The following SORCS1 variants were observed in gnomAD, a reference collection of about 807,000 sequenced individuals.
SORCS1 encodes the protein sortilin related VPS10 domain containing receptor 1, also known as VPS10 domain-containing receptor SorCS1.
A neutral mutation model predicts 146.1 loss-of-function variants in SORCS1; 60 were observed. The ratio of observed to expected loss-of-function variants is 0.41; its 90% CI spans 0.33 to 0.51. SORCS1 has a LOEUF of 0.51. Ranked by LOEUF, SORCS1 falls within the 20% of genes least tolerant of loss-of-function variation. The probability of loss-of-function intolerance (pLI) is 0.21; values close to 1 mark genes in which losing one functional copy is unlikely to be tolerated. For missense variants in SORCS1, 1,352 were observed against 1,487.6 expected, an observed-to-expected ratio of 0.91 and a Z score of 1.50; for synonymous variants, 637 against 584.0, an observed-to-expected ratio of 1.09 and a Z score of -1.31.
chr10:107,118,305 A>C (rs1966170920), intron 1 of SORCS1, among the ~76,000 whole-genome samples: 1 of 152,212 alleles, frequency 6.6e-6, no homozygotes, highest in South Asian at 2.1e-4. Flanking sequence ...CAAAACTGTG[A>C]GAAATAAATT....
At chr10:107,068,114 C>T (rs61867227) in intron 1 of SORCS1, among the ~76,000 whole-genome samples, 29,178 of 152,020 alleles carry the variant, frequency 0.19, 2,990 homozygotes, top group Middle Eastern at 0.21. Flanking sequence ...GAGAGGCATG[C>T]GAATTGCTTT....
chr10:106,743,858 T>C (rs1857526984), intron 5 of SORCS1, among the ~76,000 whole-genome samples: 1 of 152,232 alleles, frequency 6.6e-6, no homozygotes, highest in Non-Finnish European at 1.5e-5. Flanking sequence ...AAAACATTCT[T>C]ACAATCCCTC....
intron 24 of SORCS1, among the ~76,000 whole-genome samples, chr10:106,581,335 A>ACACACACGCG (rs1237108923): frequency 1.3e-5 from 2 of 151,678 alleles, no homozygotes; most frequent in African/African-American, 4.8e-5. Flanking sequence ...ACACACACAC[A>ACACACACGCG]CACACACACA....
chr10:107,000,543 G>A (rs968145997), intron 1 of SORCS1, among the ~76,000 whole-genome samples: 1 of 151,478 alleles, frequency 6.6e-6, no homozygotes, highest in Admixed American at 6.6e-5. Flanking sequence ...GGAGGTGGAG[G>A]TTGCAGTGAG....
chr10:106,770,084 C>T (rs909024094), intron 4 of SORCS1, among the ~76,000 whole-genome samples: 6 of 152,236 alleles, frequency 3.9e-5, no homozygotes, highest in Admixed American at 2.0e-4. Flanking sequence ...GACAGTAAGA[C>T]TGTCTCAAAA....
intron 3 of SORCS1, among the ~76,000 whole-genome samples, chr10:106,783,762 C>T (rs1441358980): frequency 6.6e-6 from 1 of 152,176 alleles, no homozygotes; most frequent in Non-Finnish European, 1.5e-5. Context: ...TTTACCTTGT[C>T]CTTCCAGCAT....
intron 24 of SORCS1, among the ~76,000 whole-genome samples, chr10:106,588,860 C>CAAAAA (rs778852501): frequency 1.9e-3 from 66 of 35,104 alleles, no homozygotes; most frequent in Non-Finnish European, 2.7e-3. Flanking sequence ...GACTCCATCT[C>CAAAAA]AAAAAAAAAA....
intron 2 of SORCS1, among the ~76,000 whole-genome samples, chr10:106,908,005 T>G (rs537912020): frequency 1.3e-5 from 2 of 152,312 alleles, no homozygotes; most frequent in Non-Finnish European, 2.9e-5. Context: ...CTCTGACATC[T>G]TAAAAGTATC....
chr10:107,096,958 A>C (rs933160592), intron 1 of SORCS1, among the ~76,000 whole-genome samples: 4 of 152,170 alleles, frequency 2.6e-5, no homozygotes, highest in Admixed American at 6.5e-5. Context: ...ATGCTATCCC[A>C]ACACTAGTTT....
chr10:106,891,199 C>T (rs1951214983), intron 2 of SORCS1, among the ~76,000 whole-genome samples: 1 of 152,144 alleles, frequency 6.6e-6, no homozygotes, highest in African/African-American at 2.4e-5. Context: ...AACTGTCACA[C>T]TGGAGTACTT....
chr10:107,167,759 A>G (rs901543355), upstream of SORCS1, among the ~76,000 whole-genome samples: 3 of 151,992 alleles, frequency 2.0e-5, no homozygotes, highest in Non-Finnish European at 2.9e-5. Flanking sequence ...CCTATGTTAT[A>G]TACAGTTTTA....
At chr10:106,911,154 G>C (rs1460526456) in intron 2 of SORCS1, among the ~76,000 whole-genome samples, 2 of 152,206 alleles carry the variant, frequency 1.3e-5, no homozygotes, top group African/African-American at 4.8e-5. Flanking sequence ...TGTAAAGCAT[G>C]GTGTTAATTT....
chr10:107,102,406 C>T (rs143312244), intron 1 of SORCS1, among the ~76,000 whole-genome samples: 33 of 152,164 alleles, frequency 2.2e-4, no homozygotes, highest in South Asian at 1.2e-3. Context: ...TGTTGGGATC[C>T]GGATCAGGAT....
chr10:106,923,329 G>A (rs978110116), intron 2 of SORCS1, among the ~76,000 whole-genome samples: 4 of 152,054 alleles, frequency 2.6e-5, no homozygotes, highest in African/African-American at 9.7e-5. Context: ...TCTTTTTATG[G>A]CTTAATAGCT....
intron 2 of SORCS1, among the ~76,000 whole-genome samples, chr10:106,914,532 CTG>C (rs1952320290): frequency 6.6e-6 from 1 of 152,124 alleles, no homozygotes; most frequent in African/African-American, 2.4e-5. Flanking sequence ...CCAAGTAAGA[CTG>C]TGAAATAAAC....
chr10:106,680,874 T>C (rs1933499187), intron 10 of SORCS1, among the ~76,000 whole-genome samples: 1 of 152,134 alleles, frequency 6.6e-6, no homozygotes, highest in Non-Finnish European at 1.5e-5. Flanking sequence ...TAAATTTATA[T>C]AGGATGGAGT....
At chr10:106,967,037 C>T (rs1024819842) in intron 1 of SORCS1, among the ~76,000 whole-genome samples, 3 of 151,268 alleles carry the variant, frequency 2.0e-5, no homozygotes, top group South Asian at 2.1e-4. Context: ...CTTTTTGATG[C>T]AAATCTTGAA....
intron 2 of SORCS1, among the ~76,000 whole-genome samples, chr10:106,859,344 CTTCT>C (rs1306111306): frequency 6.6e-6 from 1 of 152,210 alleles, no homozygotes; most frequent in Admixed American, 6.5e-5. Context: ...TCCTTTCACT[CTTCT>C]TTCAGCCGAT....
intron 3 of SORCS1, among the ~76,000 whole-genome samples, chr10:106,778,173 A>T (rs1341921916): frequency 6.6e-6 from 1 of 152,122 alleles, no homozygotes; most frequent in Non-Finnish European, 1.5e-5. Flanking sequence ...CACTCTGCCC[A>T]AACTCTGTTT....
Sources: allele counts gnomAD v4.1 joint callset (sites outside exome capture counted in the v4.1 genomes callset), GRCh38; gene constraint gnomAD v4.1.1; transcripts MANE v1.5; gene names NCBI Gene and HGNC (gene_info 2026-07-23, HGNC 2026-07-21).